The following HADH variants were observed in gnomAD, a reference collection of about 807,000 sequenced individuals.
HADH encodes the protein hydroxyacyl-CoA dehydrogenase.
A neutral mutation model predicts 32.2 loss-of-function variants in HADH; 24 were observed. That is an observed-to-expected ratio of 0.75 (90% CI 0.54 to 1.05). The LOEUF (loss-of-function observed/expected upper bound fraction) is 1.05, where lower values mean the gene tolerates loss of function less well. HADH is among the 50% of genes least tolerant of loss of function. The pLI, the probability that HADH is intolerant of heterozygous loss-of-function variation, is 0.00. For missense variants in HADH, 350 were observed against 397.1 expected (o/e 0.88, Z 1.01); for synonymous variants, 139 against 152.5 (o/e 0.91, Z 0.65).
intron 1 of HADH, among the ~76,000 whole-genome samples, chr4:107,993,953 A>G (rs1734883687): frequency 6.6e-6 from 1 of 152,192 alleles, no homozygotes; most frequent in Non-Finnish European, 1.5e-5. Context: ...GAAAGCTGGT[A>G]GCTGTGTGCA....
At chr4:108,024,431 C>T (rs1051715730) in intron 5 of HADH, 27 of 152,046 alleles carry the variant, frequency 1.8e-4, no homozygotes, top group African/African-American at 5.1e-4. Context: ...AAAATATTCT[C>T]GAGTTTGAAC....
intron 2 of HADH, among the ~76,000 whole-genome samples, chr4:108,013,752 T>TA (rs1735587134): frequency 6.6e-6 from 1 of 152,126 alleles, no homozygotes; most frequent in South Asian, 2.1e-4. Flanking sequence ...TATTTTTAAA[T>TA]ATTGAGTACC....
intron 5 of HADH, chr4:108,025,643 C>T (rs1298751441): frequency 1.3e-5 from 2 of 152,202 alleles, no homozygotes; most frequent in African/African-American, 2.4e-5. Flanking sequence ...AATCCCAGCA[C>T]TTCGGGAGGC....
At chr4:108,000,454 G>C (rs1735089565) in intron 1 of HADH, among the ~76,000 whole-genome samples, 1 of 152,144 alleles carries the variant, frequency 6.6e-6, no homozygotes, top group Non-Finnish European at 1.5e-5. Flanking sequence ...ACATGAAATA[G>C]TCTATAACCA....
chr4:108,014,666 A>G, intron 3 of HADH, 78 bp downstream of exon 3: 2 of 1,362,184 alleles, frequency 1.5e-6, no homozygotes, highest in Non-Finnish European at 2.0e-6. Flanking sequence ...TTTTGTTTTT[A>G]TAGATTTGTG....
intron 1 of HADH, among the ~76,000 whole-genome samples, chr4:108,006,740 C>T (rs979275856): frequency 2.0e-4 from 30 of 152,172 alleles, no homozygotes; most frequent in Non-Finnish European, 2.9e-4. Flanking sequence ...TTAGGGTGTT[C>T]TGTGTTGCTT....
chr4:108,014,438 A>G lies in HADH; in HGVS notation c.269A>G (p.Asp90Gly), dbSNP rs201949765. 5 of 1,613,994 alleles carry G rather than the reference A, an allele frequency of 3.1e-6. No individual in the cohort carries two copies. Among genetic ancestry groups the G allele is most frequent in the Non-Finnish European group, 4.2e-6 (5 of 1,180,030 alleles). The change falls in exon 3 of 8, where the codon GAT becomes GGT. Residue 90 changes from aspartate (D) to glycine (G), a missense_variant. Transcript: ENST00000309522. The part of the protein sequence containing the change: ...KKFAENLKAG[D>G]EFVEKTLSTI... ...TTCCTCCCACTGCATTAGGCCGGCG[A>G]TGAATTTGTGGAGAAGACCCTGAGC...
At chr4:108,007,520 A>G (rs1300585466) in intron 1 of HADH, among the ~76,000 whole-genome samples, 2 of 152,224 alleles carry the variant, frequency 1.3e-5, no homozygotes, top group East Asian at 3.9e-4. Flanking sequence ...GAAATAAACA[A>G]TGTGGCCTTC....
intron 3 of HADH, among the ~76,000 whole-genome samples, chr4:108,016,420 A>T (rs1735696138): frequency 6.6e-6 from 1 of 152,134 alleles, no homozygotes; most frequent in Non-Finnish European, 1.5e-5. Flanking sequence ...TCTGTCCATC[A>T]CTGCCAATCA....
intron 1 of HADH, among the ~76,000 whole-genome samples, chr4:107,998,702 G>A (rs975930740): frequency 6.6e-6 from 1 of 152,114 alleles, no homozygotes; most frequent in Admixed American, 6.6e-5. Flanking sequence ...CATGCATGAG[G>A]CAATAGTTGT....
At chr4:108,019,793 C>A in intron 4 of HADH, 127 bp downstream of exon 4, 1 of 1,027,828 alleles carries the variant, frequency 9.7e-7, no homozygotes, top group Non-Finnish European at 1.5e-6. Flanking sequence ...AGAAGGTTGT[C>A]CCTGAGCCTC....
At chr4:108,003,262 G>A (rs966015340) in intron 1 of HADH, among the ~76,000 whole-genome samples, 3 of 152,174 alleles carry the variant, frequency 2.0e-5, no homozygotes, top group African/African-American at 7.2e-5. Context: ...GTTGTGTCTT[G>A]CTGGGGGAAG....
intron 2 of HADH, among the ~76,000 whole-genome samples, chr4:108,010,665 T>C (rs1578252239): frequency 6.6e-6 from 1 of 152,294 alleles, no homozygotes. Flanking sequence ...TTTTTTATTA[T>C]GGTAGAATAT....
chr4:107,993,352 C>A (rs1448732620), intron 1 of HADH, among the ~76,000 whole-genome samples: 4 of 152,256 alleles, frequency 2.6e-5, no homozygotes, highest in African/African-American at 9.6e-5. Flanking sequence ...AGGGAGAACA[C>A]TTTTTAGTTA....
chr4:108,017,775 C>T (rs1475981033), intron 3 of HADH, among the ~76,000 whole-genome samples: 1 of 152,142 alleles, frequency 6.6e-6, no homozygotes, highest in African/African-American at 2.4e-5. Context: ...TCTCGAACTC[C>T]TGACTTCAAG....
chr4:108,027,512 T>G (rs1736106981), intron 5 of HADH, 176 bp from the exon 6 acceptor site: 1 of 675,132 alleles, frequency 1.5e-6, no homozygotes, highest in African/African-American at 1.8e-5. Flanking sequence ...CTATGATTGT[T>G]GGATAAATTG....
chr4:108,028,574 C>T lies in HADH; in HGVS notation c.709+814C>T, dbSNP rs148337632. 2.9e-4 allele frequency: 92 copies of T among 316,570 alleles called. No individual in the cohort carries two copies. In the East Asian group the frequency reaches 4.4e-3, roughly 15 times the overall value. 19.6% of individuals were successfully genotyped at this position (316,570 alleles called of 1,614,324 possible). Reference sequence around the variant, plus strand: ...CAGAGAGATGAAAGCACATTTGCTTCCTCAAAATCTGCTTTAAATATTAAA... The same window carrying T: ...CAGAGAGATGAAAGCACATTTGCTTTCTCAAAATCTGCTTTAAATATTAAA... On this transcript the variant is annotated intron_variant, in intron 6 of 7. Transcript: ENST00000309522.
At chr4:108,000,279 C>A (rs1344763040) in intron 1 of HADH, among the ~76,000 whole-genome samples, 1 of 152,176 alleles carries the variant, frequency 6.6e-6, no homozygotes, top group Non-Finnish European at 1.5e-5. Context: ...GTCACATGTA[C>A]CCCAAAAGTA....
chr4:108,033,471 T>C (rs559849118), intron 7 of HADH, among the ~76,000 whole-genome samples, 179 bp downstream of exon 7: 14 of 152,306 alleles, frequency 9.2e-5, no homozygotes, highest in Admixed American at 8.5e-4. Flanking sequence ...CTGTCTAGTG[T>C]CTCTTTAACA....
Sources: gnomAD v4.1 joint callset for allele counts (sites outside exome capture counted in the v4.1 genomes callset) on GRCh38, gnomAD v4.1.1 for gene constraint, MANE v1.5 for transcripts, NCBI Gene and HGNC (gene_info 2026-07-23, HGNC 2026-07-21) for gene names.